Variants in DGKZ observed in about 807,000 individuals in gnomAD.
DGKZ encodes diacylglycerol kinase zeta.
A neutral mutation model predicts 142.5 loss-of-function variants in DGKZ; 45 were observed. The observed-to-expected ratio is 0.32, with a 90% CI of 0.25 to 0.40. The LOEUF is 0.40. Among genes scored for constraint, DGKZ ranks in the 10% least tolerant of loss-of-function variants. The pLI is 1.00. For synonymous variants in DGKZ, 442 were observed against 527.0 expected (o/e 0.84, Z 2.21); for missense variants, 755 against 1,306.5 (o/e 0.58, Z 6.51).
chr11:46,379,263 T>G, intron 29 of DGKZ, 27 bp downstream of exon 29: 1 of 1,612,954 alleles, frequency 6.2e-7, no homozygotes, highest in South Asian at 1.1e-5. Context: ...TGCAGAACCG[T>G]GGTCACCCCG....
At chr11:46,336,260 A>G (rs1243895633) in intron 1 of DGKZ, among the ~76,000 whole-genome samples, 1 of 152,188 alleles carries the variant, frequency 6.6e-6, no homozygotes, top group Non-Finnish European at 1.5e-5. Context: ...CAACCCTGGC[A>G]GCTTCTTTAG....
intron 25 of DGKZ, 37 bp from the exon 26 acceptor site, chr11:46,378,161 G>GA: frequency 6.3e-7 from 1 of 1,599,152 alleles, no homozygotes; most frequent in Admixed American, 1.7e-5. Context: ...GCTGGCCTGT[G>GA]CCGTAGCCGG....
intron 1 of DGKZ, chr11:46,365,166 A>G (rs1394077038): frequency 2.0e-6 from 2 of 985,144 alleles, no homozygotes; most frequent in African/African-American, 3.5e-5. Flanking sequence ...TCCAGGTGGG[A>G]GCTAGGATGA....
chr11:46,367,514 AGT>A lies in DGKZ; in HGVS notation c.270+117_270+118del, dbSNP rs1943447717. ...GAGCCAAGCCTGGAAGGGTTGGGAC[AGT>A]GGGGCAGACGGAACAGAGCAGGGTC... On this transcript the variant is annotated intron_variant, in intron 2 of 30. Transcript: ENST00000527911. This position sits in a 1 kb window ranked among gnomAD's most constrained non-coding sequence, Gnocchi z 4.1. 8.0e-7 allele frequency: 1 copy of A among 1,247,386 alleles called. No individual in the cohort carries two copies. The highest frequency in any genetic ancestry group is 1.4e-5 in the South Asian group (1 of 72,060). 77.3% of individuals were successfully genotyped at this position (1,247,386 alleles called of 1,614,324 possible).
intron 5 of DGKZ, 77 bp from the exon 6 acceptor site, chr11:46,369,864 T>TGAGCC (rs1242816150): frequency 6.6e-7 from 1 of 1,509,092 alleles, no homozygotes; most frequent in East Asian, 2.3e-5. Flanking sequence ...CCCCGTGTGT[T>TGAGCC]GAGCCGTGTG....
At position 46,378,191 on chromosome 11, in the gene DGKZ, G is replaced by C. The variant is rs369155259; in HGVS notation, c.2343-7G>C. On this transcript the variant is annotated splice_polypyrimidine_tract_variant and splice_region_variant and intron_variant, in intron 25 of 30. Transcript: ENST00000527911. Reference sequence around the variant, plus strand: ...AGCCGGTCACAGCACATCATGCTCTGTTGCAGGTCACTGCAAGGGGATGCT... The same window carrying C: ...AGCCGGTCACAGCACATCATGCTCTCTTGCAGGTCACTGCAAGGGGATGCT... The C allele has an allele frequency of 4.4e-6, 7 of 1,609,072 alleles. No individual in the cohort carries two copies. The highest frequency in any genetic ancestry group is 1.3e-5 in the African/African-American group (1 of 74,900).
chr11:46,379,163 G>A, intron 28 of DGKZ, 40 bp from the exon 29 acceptor site: 1 of 1,612,334 alleles, frequency 6.2e-7, no homozygotes, highest in Admixed American at 1.7e-5. Flanking sequence ...GAGGAGGAGG[G>A]GCTGCCAGGC....
intron 1 of DGKZ, among the ~76,000 whole-genome samples, chr11:46,362,578 C>G (rs1192031149): frequency 6.6e-6 from 1 of 152,212 alleles, no homozygotes; most frequent in Non-Finnish European, 1.5e-5. Context: ...GCATCCAGAC[C>G]TCCTTTAGGC....
At position 46,336,700 on chromosome 11, in the gene DGKZ, C is replaced by G. The variant is rs150364739; in HGVS notation, c.212+3213C>G. ...TCCTCCCACCTCAGCCTCCTCAGCA[C>G]ACACTACCATGCCTGGATAATTTTT... is the stretch of plus-strand genomic sequence containing the variant. On this transcript the variant is annotated intron_variant, in intron 1 of 30. Coordinates refer to the DGKZ transcript ENST00000343674. 6.5e-3 allele frequency among the ~76,000 whole-genome samples: 994 copies of G among 152,276 alleles called. 3 individuals are homozygous for G. Among genetic ancestry groups the G allele is most frequent in the Middle Eastern group, 0.01 (3 of 294 alleles).
intron 1 of DGKZ, among the ~76,000 whole-genome samples, chr11:46,338,114 CT>C (rs1940098413): frequency 6.6e-6 from 1 of 152,238 alleles, no homozygotes; most frequent in South Asian, 2.1e-4. Flanking sequence ...TCTGCTAAAA[CT>C]TTATTCATAG....
At chr11:46,346,473 T>C (rs1007610652), upstream of DGKZ, among the ~76,000 whole-genome samples, 2 of 152,274 alleles carry the variant, frequency 1.3e-5, no homozygotes, top group African/African-American at 4.8e-5. Flanking sequence ...GGGTTCCAAT[T>C]GCTCTCATTT....
intron 1 of DGKZ, among the ~76,000 whole-genome samples, chr11:46,333,665 C>T (rs1369356878): frequency 1.3e-5 from 2 of 152,134 alleles, no homozygotes; most frequent in African/African-American, 4.8e-5. Context: ...TCTGAGACTC[C>T]TTCTCTGCCT....
intron 1 of DGKZ, among the ~76,000 whole-genome samples, chr11:46,334,790 C>T (rs1043540918): frequency 6.6e-6 from 1 of 152,144 alleles, no homozygotes; most frequent in Admixed American, 6.5e-5. Flanking sequence ...GTATGAATGT[C>T]CCCCTGGGGC....
intron 29 of DGKZ, 21 bp from the exon 30 acceptor site, chr11:46,379,448 A>G: frequency 6.2e-7 from 1 of 1,602,452 alleles, no homozygotes; most frequent in Non-Finnish European, 8.5e-7. Context: ...TGGGGTACAC[A>G]GCCAGCCCCT....
chr11:46,369,130 C>A (rs61882686), intron 4 of DGKZ: 21,673 of 325,584 alleles, frequency 0.067, 942 homozygotes, highest in Middle Eastern at 0.086. Flanking sequence ...GAGCCGAGAT[C>A]GCACCACTGC....
At chr11:46,345,291 G>A (rs765708066), upstream of DGKZ, 254 of 1,358,858 alleles carry the variant, frequency 1.9e-4, no homozygotes, top group South Asian at 2.2e-4. This position sits in a 1 kb window ranked among gnomAD's most constrained non-coding sequence, Gnocchi z 4.1. Flanking sequence ...AGCGGAAGGC[G>A]CCTATGAGCC....
At chr11:46,334,582 G>A (rs1393916010) in intron 1 of DGKZ, among the ~76,000 whole-genome samples, 2 of 152,196 alleles carry the variant, frequency 1.3e-5, no homozygotes, top group African/African-American at 2.4e-5. Context: ...CTTGGGGGAG[G>A]AAGGGACAGA....
At chr11:46,364,372 A>G (rs2136451895) in intron 1 of DGKZ, 1 of 1,289,156 alleles carries the variant, frequency 7.8e-7, no homozygotes, top group East Asian at 5.5e-5. Context: ...ATAGGGGCTC[A>G]GTAAATGTCA....
chr11:46,374,610 T>G (rs1340521035), exon 17 of DGKZ: 1 of 1,579,878 alleles, frequency 6.3e-7, no homozygotes, highest in South Asian at 1.2e-5. Context: ...ACAGACAGCT[T>G]TCTCTGACTT....
Sources: allele counts gnomAD v4.1 joint callset (sites outside exome capture counted in the v4.1 genomes callset), GRCh38; gene constraint gnomAD v4.1.1; non-coding constraint Gnocchi (gnomAD v3.1); transcripts MANE v1.5; gene names NCBI Gene and HGNC (gene_info 2026-07-23, HGNC 2026-07-21).